Variants in CELSR1 observed in about 807,000 individuals in gnomAD.
The protein encoded by CELSR1 is adhesion G protein-coupled receptor C1.
Under a neutral mutation model 249.1 loss-of-function variants are expected in CELSR1, and 110 were observed. The ratio of observed to expected loss-of-function variants is 0.44; its 90% confidence interval spans 0.38 to 0.52. The LOEUF (loss-of-function observed/expected upper bound fraction) is 0.52, where lower values mean the gene tolerates loss of function less well. Among genes scored for constraint, CELSR1 ranks in the 20% least tolerant of loss-of-function variants. CELSR1 has a pLI of 0.00. For synonymous variants in CELSR1, 2,113 were observed against 1,900.0 expected (o/e 1.11, Z -2.92); for missense variants, 4,109 against 4,296.4 (o/e 0.96, Z 1.22).
intron 1 of CELSR1, among the ~76,000 whole-genome samples, chr22:46,482,818 TG>T (rs1273947433): frequency 6.6e-6 from 1 of 152,144 alleles, no homozygotes; most frequent in African/African-American, 2.4e-5. Context: ...AAGGCATCCC[TG>T]GAGAACAGGG....
At chr22:46,387,937 G>A (rs568517987) in intron 18 of CELSR1, among the ~76,000 whole-genome samples, 7 of 152,278 alleles carry the variant, frequency 4.6e-5, no homozygotes, top group South Asian at 2.1e-4. Context: ...TGAGGCCGCC[G>A]TGGACATGTG....
intron 1 of CELSR1, among the ~76,000 whole-genome samples, chr22:46,502,694 C>T (rs955086199): frequency 2.6e-4 from 39 of 152,098 alleles, no homozygotes; most frequent in Admixed American, 2.5e-3. Context: ...ATGGGGAAAT[C>T]GAGATTCTCA....
At chr22:46,425,447 T>A (rs1259701959) in intron 5 of CELSR1, among the ~76,000 whole-genome samples, 1 of 152,232 alleles carries the variant, frequency 6.6e-6, no homozygotes, top group African/African-American at 2.4e-5. Context: ...AAACTACAAA[T>A]TCTATTTCCT....
At chr22:46,384,138 G>A (rs537038976) in intron 20 of CELSR1, among the ~76,000 whole-genome samples, 6 of 151,826 alleles carry the variant, frequency 4.0e-5, no homozygotes, top group East Asian at 3.9e-4. Context: ...GTTTTACCAC[G>A]TTGGCCAGGC....
At chr22:46,369,288 T>A (rs199720257) in intron 26 of CELSR1, 30 bp from the exon 27 acceptor site, 1 of 52,324 alleles carries the variant, frequency 1.9e-5, no homozygotes, top group East Asian at 4.0e-4. Context: ...ATCAATGTCT[T>A]CTCTCTCGTC....
intron 25 of CELSR1, among the ~76,000 whole-genome samples, chr22:46,372,301 TC>T (rs1168151760): frequency 2.8e-5 from 2 of 70,856 alleles, no homozygotes; most frequent in African/African-American, 1.2e-4. Flanking sequence ...ATCCACTCGC[TC>T]CCCACCCATC....
At chr22:46,419,170 C>G (rs1279301382) in intron 5 of CELSR1, among the ~76,000 whole-genome samples, 1 of 152,180 alleles carries the variant, frequency 6.6e-6, no homozygotes, top group Non-Finnish European at 1.5e-5. Context: ...GACCAGGTCA[C>G]CTCTGCGGCC....
chr22:46,475,384 T>C (rs1169603137), intron 1 of CELSR1, among the ~76,000 whole-genome samples: 3 of 152,078 alleles, frequency 2.0e-5, no homozygotes, highest in Non-Finnish European at 4.4e-5. Flanking sequence ...GGACAAATAC[T>C]GTCTGCTTCT....
intron 25 of CELSR1, among the ~76,000 whole-genome samples, chr22:46,371,155 G>A (rs1342264377): frequency 6.6e-6 from 1 of 152,208 alleles, no homozygotes; most frequent in African/African-American, 2.4e-5. Context: ...CAGTGGCCCT[G>A]GGTGGAGGTG....
At chr22:46,510,785 T>C (rs2080565321) in intron 1 of CELSR1, among the ~76,000 whole-genome samples, 1 of 152,200 alleles carries the variant, frequency 6.6e-6, no homozygotes, top group African/African-American at 2.4e-5. Context: ...AAGCAACTTC[T>C]AGTGCTCCTG....
chr22:46,509,836 G>A (rs923681294), intron 1 of CELSR1, among the ~76,000 whole-genome samples: 2 of 152,174 alleles, frequency 1.3e-5, no homozygotes, highest in Admixed American at 1.3e-4. Flanking sequence ...GCACAATGCA[G>A]GGGCTCAGTC....
chr22:46,383,772 C>G (rs1300312446), intron 20 of CELSR1, among the ~76,000 whole-genome samples: 1 of 152,150 alleles, frequency 6.6e-6, no homozygotes, highest in African/African-American at 2.4e-5. Context: ...CTCAAGCAAT[C>G]CTCCCTGTGT....
At chr22:46,418,810 C>G (rs1252425284) in intron 5 of CELSR1, among the ~76,000 whole-genome samples, 3 of 152,226 alleles carry the variant, frequency 2.0e-5, no homozygotes, top group African/African-American at 7.2e-5. Context: ...TCACACAAAG[C>G]CTTTTATTTC....
At position 46,367,738 on chromosome 22, in the gene CELSR1, G is replaced by A. The variant is rs539804590; in HGVS notation, c.8070C>T (p.Ser2690=). The change falls in exon 28 of 35, where the codon AGC becomes AGT. Residue 2690 remains serine (S), a synonymous_variant. Transcript: ENST00000674500. ...LSFHYLFAIF[S]GLQGPFVLLF... Reference sequence around the variant, plus strand: ...CTCGGCCGTCACCTACCTGTAAGCCGCTGAAGATGGCGAAGAGGTAGTGAA... The same window carrying A: ...CTCGGCCGTCACCTACCTGTAAGCCACTGAAGATGGCGAAGAGGTAGTGAA... 41 of 1,599,904 alleles carry A rather than the reference G, an allele frequency of 2.6e-5. 1 individual carries two copies. Among genetic ancestry groups the A allele is most frequent in the South Asian group, 6.8e-5 (6 of 88,220 alleles).
chr22:46,410,689 G>A lies in CELSR1; in HGVS notation c.4770-128C>T. ...ACTTCAGAAACCAAGCAGACAGGCG[G>A]GGAGAGGCCAAAGTCAGAGGGGGCT... is the stretch of plus-strand genomic sequence containing the variant. On this transcript the variant is annotated intron_variant, in intron 6 of 34. Coordinates refer to ENST00000674500, the MANE Select transcript of CELSR1 (RefSeq NM_001378328.1). The surrounding 1 kb of genome is among the most constrained non-coding windows in gnomAD (Gnocchi z 6.8). The A allele has an allele frequency of 2.2e-6, 2 of 917,340 alleles. No homozygotes were observed. Among genetic ancestry groups the A allele is most frequent in the South Asian group, 3.3e-5 (2 of 60,132 alleles). The allele number at this position is 917,340 out of a possible 1,614,324, so 56.8% of individuals were successfully genotyped here.
At position 46,380,827 on chromosome 22, in the gene CELSR1, C is replaced by A; in HGVS notation, c.7217G>T (p.Arg2406Leu). Residue 2406 changes from arginine to leucine, a missense_variant, in exon 22 of 35, where the codon CGA (arginine) becomes CTA (leucine). Arg to Leu is a moderately radical substitution (Grantham distance 102). Coordinates refer to ENST00000674500, the MANE Select transcript of CELSR1 (RefSeq NM_001378328.1). This position sits in a 1 kb window ranked among gnomAD's most constrained non-coding sequence, Gnocchi z 5.1. ...VEFALLEVEE[R>L]TKPVCVFWNH... is the part of the protein sequence containing the mutation. ...CCAGAACACGCAGACAGGCTTGGTT[C>A]GCTCCTCCACCTCCAGCAGGGCGAA... The A allele has an allele frequency of 6.2e-7, 1 of 1,610,696 alleles. No individual in the cohort carries two copies. Among genetic ancestry groups the A allele is most frequent in the Non-Finnish European group, 8.5e-7 (1 of 1,179,692 alleles).
rs1012645540 is a variant in CELSR1 at position 46,398,195 on chromosome 22, G to A, written c.5526+329C>T. ...CCTGGCTCCAGGGGACAGGCACGGGGCCCACTTGGGTGACGTCTGTGGTTG... is the reference window on the plus strand; with the variant it reads ...CCTGGCTCCAGGGGACAGGCACGGGACCCACTTGGGTGACGTCTGTGGTTG... On this transcript the variant is annotated intron_variant, in intron 11 of 34. Coordinates refer to ENST00000674500, the MANE Select transcript of CELSR1 (RefSeq NM_001378328.1). The surrounding 1 kb of genome is among the most constrained non-coding windows in gnomAD (Gnocchi z 7.2). 6.6e-6 allele frequency among the ~76,000 whole-genome samples: 1 copy of A among 152,110 alleles called. No homozygotes were observed. The highest frequency in any genetic ancestry group is 6.5e-5 in the Admixed American group (1 of 15,282).
intron 1 of CELSR1, among the ~76,000 whole-genome samples, chr22:46,519,369 C>T (rs2147788348): frequency 6.6e-6 from 1 of 152,360 alleles, no homozygotes; most frequent in South Asian, 2.1e-4. Context: ...GATACAAATA[C>T]ACTTGAACCA....
chr22:46,394,915 C>T (rs1008429503), intron 13 of CELSR1, among the ~76,000 whole-genome samples: 4 of 152,242 alleles, frequency 2.6e-5, no homozygotes, highest in Non-Finnish European at 2.9e-5. Flanking sequence ...CTGGCCGCTG[C>T]TGTGCATGAG....
Sources: gnomAD v4.1 joint callset for allele counts (sites outside exome capture counted in the v4.1 genomes callset) on GRCh38, gnomAD v4.1.1 for gene constraint, Gnocchi (gnomAD v3.1) non-coding constraint, MANE v1.5 for transcripts, NCBI Gene and HGNC (gene_info 2026-07-23, HGNC 2026-07-21) for gene names.